The following RBM44 variants were observed in gnomAD, a reference collection of about 807,000 sequenced individuals.
RBM44 encodes the protein RNA binding motif protein 44, also known as RNA-binding protein 44.
RBM44 carries 66 observed loss-of-function variants against 105.1 expected under a neutral mutation model. The observed-to-expected ratio is 0.63, with a 90% CI of 0.52 to 0.77. RBM44 has a LOEUF of 0.77. RBM44 is among the 30% of genes least tolerant of loss of function. The pLI, the probability that RBM44 is intolerant of heterozygous loss-of-function variation, is 0.00. For synonymous variants in RBM44, 365 were observed against 417.6 expected, an observed-to-expected ratio of 0.87 and a Z score of 1.54; for missense variants, 1,122 against 1,207.8, an observed-to-expected ratio of 0.93 and a Z score of 1.05.
At chr2:237,815,839 C>A (rs986377690) in intron 2 of RBM44, among the ~76,000 whole-genome samples, 1 of 151,856 alleles carries the variant, frequency 6.6e-6, no homozygotes, top group African/African-American at 2.4e-5. Context: ...TTTAGTCCCA[C>A]CTCTGTTTTG....
intron 9 of RBM44, 33 bp downstream of exon 9, chr2:237,823,587 G>T (rs1425896491): frequency 1.0e-6 from 1 of 960,874 alleles, no homozygotes; most frequent in Non-Finnish European, 1.6e-6. Flanking sequence ...TTGTATAGTT[G>T]CTGGAAAACA....
At chr2:237,813,530 ATGTAGT>A in intron 1 of RBM44, 56 bp from the exon 2 acceptor site, 1 of 882,540 alleles carries the variant, frequency 1.1e-6, no homozygotes, top group Admixed American at 2.3e-5. Flanking sequence ...TCTGTCCTTT[ATGTAGT>A]TGTCAATTTA....
Position 237,818,541 on chromosome 2 carries a change from C to G in RBM44, c.1622C>G (p.Ser541Ter). Residue 541 changes from serine (S) to a stop codon, truncating the protein, a stop_gained, in exon 3 of 16, where the codon TCA becomes TGA. Coordinates refer to ENST00000316997, the MANE Select transcript of RBM44 (RefSeq NM_001080504.3). LOFTEE classifies it high-confidence loss of function. The surrounding 1 kb of genome is among the most constrained non-coding windows in gnomAD (Gnocchi z 4.6). ...ACACAGATGGCTATAACAAAAGGAT[C>G]AGGAAAATCTCTCTCCGTTGACAGT... is the stretch of plus-strand genomic sequence containing the variant. ...IDTQMAITKGSGKSLSVDSLK... is the reference protein window; with the variant it reads ...IDTQMAITKG The G allele has an allele frequency of 6.3e-7, 1 of 1,596,484 alleles. No homozygotes were observed. Among genetic ancestry groups the G allele is most frequent in the Non-Finnish European group, 8.5e-7 (1 of 1,172,394 alleles).
rs1452792155 is a variant in RBM44 at position 237,813,599 on chromosome 2, A to G, written c.-11A>G. The G allele has an allele frequency of 4.4e-6, 7 of 1,573,768 alleles. No homozygotes were observed. Among genetic ancestry groups the G allele is most frequent in the Non-Finnish European group, 6.1e-6 (7 of 1,144,538 alleles). ...TATTTATACCTTTTCTAGATTATAT[A>G]TCTTTGAATGATGCAGGCCACTGCA... On this transcript the variant is annotated 5_prime_UTR_variant, in exon 2 of 16. The change creates a new upstream start codon in the 5' untranslated region. Transcript: ENST00000316997.
intron 15 of RBM44, among the ~76,000 whole-genome samples, chr2:237,840,733 T>C (rs1350288805): frequency 1.3e-5 from 2 of 151,514 alleles, no homozygotes; most frequent in Admixed American, 6.6e-5. Flanking sequence ...AAGAAAAAAA[T>C]AACCCCATTA....
At chr2:237,825,030 A>G (rs1018048806) in intron 10 of RBM44, among the ~76,000 whole-genome samples, 1 of 151,954 alleles carries the variant, frequency 6.6e-6, no homozygotes, top group Non-Finnish European at 1.5e-5. Context: ...GCTTGTCTAA[A>G]TAATGCTTAT....
At chr2:237,814,086 A>G (rs938989623) in intron 2 of RBM44, among the ~76,000 whole-genome samples, 2 of 152,186 alleles carry the variant, frequency 1.3e-5, no homozygotes, top group Admixed American at 1.3e-4. Context: ...AAATAGCAAG[A>G]GTCTAAAAAG....
rs1356918446 is a variant in RBM44 at position 237,824,340 on chromosome 2, G to T, written c.2370G>T (p.Glu790Asp). The part of the protein sequence containing the change: ...ETSEDWSDAK[E>D]SLTGVDVSGT... ...GCGAAGACTGGTCTGATGCTAAAGAGAGCCTGACAGGAGTTGACGTCTCAG... is the reference window on the plus strand; with the variant it reads ...GCGAAGACTGGTCTGATGCTAAAGATAGCCTGACAGGAGTTGACGTCTCAG... The change falls in exon 10 of 16, where the codon GAG (glutamate) becomes GAT (aspartate). Residue 790 changes from glutamate to aspartate, a missense_variant. Physicochemically the swap from Glu to Asp is conservative, Grantham distance 45. Transcript: ENST00000316997. 1 of 1,613,104 alleles carries T rather than the reference G, an allele frequency of 6.2e-7. No individual in the cohort carries two copies. The highest frequency in any genetic ancestry group is 2.2e-5 in the East Asian group (1 of 44,840).
intron 1 of RBM44, among the ~76,000 whole-genome samples, chr2:237,801,851 C>T (rs2061549486): frequency 6.6e-6 from 1 of 152,116 alleles, no homozygotes; most frequent in Admixed American, 6.5e-5. Flanking sequence ...CAATTATTGT[C>T]TACTTAACTG....
intron 4 of RBM44, among the ~76,000 whole-genome samples, chr2:237,819,644 A>C (rs1559914188): frequency 6.6e-6 from 1 of 152,058 alleles, no homozygotes; most frequent in Non-Finnish European, 1.5e-5. Context: ...ACTCAAAAAA[A>C]CATAGTGATT....
intron 13 of RBM44, among the ~76,000 whole-genome samples, chr2:237,830,031 T>G (rs562566546): frequency 6.7e-4 from 102 of 152,256 alleles, no homozygotes; most frequent in African/African-American, 2.2e-3. Context: ...TTCAATACTT[T>G]TTGGTGCCTA....
chr2:237,801,510 G>A (rs932502732), intron 1 of RBM44, among the ~76,000 whole-genome samples: 13 of 152,046 alleles, frequency 8.6e-5, no homozygotes, highest in Non-Finnish European at 1.9e-4. Context: ...ATTTTTGTTA[G>A]AAACAGGGGT....
intron 15 of RBM44, chr2:237,835,004 T>C (rs1219434199): frequency 2.0e-5 from 3 of 152,304 alleles, no homozygotes; most frequent in Admixed American, 2.0e-4. Flanking sequence ...CAAGCAAGTC[T>C]ATCAGCGCCA....
At chr2:237,809,236 T>TGGTATA (rs1156517284) in intron 1 of RBM44, among the ~76,000 whole-genome samples, 14 of 152,234 alleles carry the variant, frequency 9.2e-5, no homozygotes, top group African/African-American at 2.4e-5. Context: ...ACTTTTCTTT[T>TGGTATA]GGTATATTAC....
chr2:237,820,919 G>A (rs1451674170), intron 5 of RBM44, 152 bp from the exon 6 acceptor site: 6 of 533,364 alleles, frequency 1.1e-5, no homozygotes, highest in Admixed American at 3.8e-5. Flanking sequence ...TGGGCATTGT[G>A]GCACACATGT....
At chr2:237,827,175 A>G (rs886075152) in intron 10 of RBM44, 75 bp from the exon 11 acceptor site, 25 of 832,880 alleles carry the variant, frequency 3.0e-5, no homozygotes, top group Middle Eastern at 3.2e-4. Context: ...CAAAATATTT[A>G]ACAGTGTTCA....
intron 1 of RBM44, among the ~76,000 whole-genome samples, chr2:237,800,164 G>T (rs183783223): frequency 6.6e-6 from 1 of 152,154 alleles, no homozygotes; most frequent in Non-Finnish European, 1.5e-5. Flanking sequence ...TATTGTTATT[G>T]TCATCCTAGT....
intron 1 of RBM44, among the ~76,000 whole-genome samples, chr2:237,802,312 T>G (rs1229366413): frequency 6.6e-6 from 1 of 152,174 alleles, no homozygotes; most frequent in Non-Finnish European, 1.5e-5. Context: ...CAGCATTAGA[T>G]TCTCATAGGA....
At chr2:237,827,368 T>G (rs956197769) in intron 11 of RBM44, 39 bp downstream of exon 11, 1 of 1,465,222 alleles carries the variant, frequency 6.8e-7, no homozygotes, top group Non-Finnish European at 9.4e-7. Flanking sequence ...ATTTTCAAAT[T>G]TATTAGTTGT....
Sources: gnomAD v4.1 joint callset for allele counts (sites outside exome capture counted in the v4.1 genomes callset) on GRCh38, gnomAD v4.1.1 for gene constraint, Gnocchi (gnomAD v3.1) non-coding constraint, MANE v1.5 for transcripts, NCBI Gene and HGNC (gene_info 2026-07-23, HGNC 2026-07-21) for gene names.